Variants in PPP2CA observed in about 807,000 individuals in gnomAD.
PPP2CA encodes the protein serine/threonine-protein phosphatase 2A catalytic subunit alpha isoform.
PPP2CA carries 5 observed loss-of-function variants against 38.8 expected under a neutral mutation model. That is an observed-to-expected ratio of 0.13 (90% CI 0.07 to 0.27). The LOEUF (loss-of-function observed/expected upper bound fraction) is 0.27, where lower values mean the gene tolerates loss of function less well. PPP2CA is among the 10% of genes least tolerant of loss of function. PPP2CA has a pLI of 1.00. For missense variants in PPP2CA, 88 were observed against 389.7 expected, an observed-to-expected ratio of 0.23 and a Z score of 6.52; for synonymous variants, 152 against 134.0, an observed-to-expected ratio of 1.13 and a Z score of -0.93.
intron 1 of PPP2CA, among the ~76,000 whole-genome samples, chr5:134,219,190 T>C (rs994983542): frequency 1.3e-4 from 20 of 152,214 alleles, no homozygotes; most frequent in African/African-American, 4.6e-4. Context: ...GTCAATCTCC[T>C]GACTAATCCA....
chr5:134,201,699 A>T, intron 3 of PPP2CA, 149 bp downstream of exon 3: 1 of 910,158 alleles, frequency 1.1e-6, no homozygotes, highest in Non-Finnish European at 1.6e-6. Flanking sequence ...TGTCAAATTA[A>T]ATTTTTTTTA....
At position 134,226,046 on chromosome 5, in the gene PPP2CA, G is replaced by C. The variant is rs960869150; in HGVS notation, c.-185C>G. 2 of 528,428 alleles carry C rather than the reference G, an allele frequency of 3.8e-6. No individual in the cohort carries two copies. The highest frequency in any genetic ancestry group is 6.6e-6 in the Non-Finnish European group (2 of 301,388). 32.7% of individuals were successfully genotyped at this position (528,428 alleles called of 1,614,324 possible). On this transcript the variant is annotated 5_prime_UTR_variant, in exon 1 of 7. Coordinates refer to ENST00000481195, the MANE Select transcript of PPP2CA (RefSeq NM_002715.4). ...GGCCGCTGCGCCTCCTCCTCCGCTC[G>C]CTGAGGCTCCAGAGCTCGGCTCTCT...
At chr5:134,221,168 G>A (rs1312935091) in intron 1 of PPP2CA, among the ~76,000 whole-genome samples, 1 of 152,192 alleles carries the variant, frequency 6.6e-6, no homozygotes, top group Non-Finnish European at 1.5e-5. Context: ...CTGGAGTGCA[G>A]TGGCACAATC....
chr5:134,222,153 T>G (rs976623530), intron 1 of PPP2CA, among the ~76,000 whole-genome samples: 3 of 152,126 alleles, frequency 2.0e-5, no homozygotes, highest in Non-Finnish European at 4.4e-5. Flanking sequence ...TTAGCCCCTT[T>G]AGTCAAGTCA....
At chr5:134,203,365 C>G (rs1032108762) in intron 2 of PPP2CA, among the ~76,000 whole-genome samples, 3 of 152,150 alleles carry the variant, frequency 2.0e-5, no homozygotes, top group Admixed American at 6.5e-5. Flanking sequence ...CCCCGGTATT[C>G]TTTTGCTAAG....
intron 2 of PPP2CA, 178 bp from the exon 3 acceptor site, chr5:134,202,199 T>C: frequency 1.9e-6 from 1 of 533,222 alleles, no homozygotes; most frequent in Non-Finnish European, 3.2e-6. Context: ...CCATGGGGTG[T>C]TTGCCCACCT....
Position 134,218,383 on chromosome 5 carries a change from C to T in PPP2CA, c.102+7377G>A, listed in dbSNP as rs117559865. ...ATCTGTTTCTGCAATATCACCTTTG[C>T]CTCTGACCAAAAGGAAAGATCCTTA... On this transcript the variant is annotated intron_variant, in intron 1 of 6. Coordinates refer to ENST00000481195, the MANE Select transcript of PPP2CA (RefSeq NM_002715.4). 1.2e-3 allele frequency among the ~76,000 whole-genome samples: 185 copies of T among 152,202 alleles called. 2 individuals carry two copies. Among genetic ancestry groups the T allele is most frequent in the Admixed American group, 9.7e-3 (149 of 15,286 alleles).
intron 1 of PPP2CA, among the ~76,000 whole-genome samples, chr5:134,217,351 T>G (rs1441080906): frequency 6.6e-6 from 1 of 152,168 alleles, no homozygotes; most frequent in Non-Finnish European, 1.5e-5. Context: ...TCAAGTAAAT[T>G]TAACATTTCA....
At chr5:134,221,554 A>T (rs1447096404) in intron 1 of PPP2CA, among the ~76,000 whole-genome samples, 2 of 152,216 alleles carry the variant, frequency 1.3e-5, no homozygotes, top group East Asian at 3.8e-4. Flanking sequence ...CATCTCACCA[A>T]TCTCATTTGA....
At chr5:134,200,727 AT>A (rs1441115129) in intron 4 of PPP2CA, among the ~76,000 whole-genome samples, 5 of 152,246 alleles carry the variant, frequency 3.3e-5, no homozygotes, top group African/African-American at 9.6e-5. Flanking sequence ...ACATGCCCTA[AT>A]TAATCTGCCT....
intron 1 of PPP2CA, among the ~76,000 whole-genome samples, chr5:134,221,302 C>T (rs2267938): frequency 1.0e-3 from 158 of 152,248 alleles, no homozygotes; most frequent in African/African-American, 3.3e-3. Context: ...TAAGTAGAGA[C>T]GGGGCTTCAC....
At chr5:134,204,903 A>C (rs1169166953) in intron 2 of PPP2CA, among the ~76,000 whole-genome samples, 1 of 151,756 alleles carries the variant, frequency 6.6e-6, no homozygotes. Flanking sequence ...ATTTCTCAGA[A>C]AAATTCTTTT....
chr5:134,198,654 C>T (rs1290159146), intron 6 of PPP2CA, among the ~76,000 whole-genome samples: 1 of 152,204 alleles, frequency 6.6e-6, no homozygotes. Context: ...CAACCTCTGC[C>T]TCCCGGATTC....
At position 134,226,021 on chromosome 5, in the gene PPP2CA, G is replaced by T. The variant is rs1026631899; in HGVS notation, c.-160C>A. The T allele has an allele frequency of 1.7e-6, 1 of 574,674 alleles. No homozygotes were observed. The highest frequency in any genetic ancestry group is 3.0e-6 in the Non-Finnish European group (1 of 338,288). The allele number at this position is 574,674 out of a possible 1,614,324, so 35.6% of individuals were successfully genotyped here. On this transcript the variant is annotated 5_prime_UTR_variant, in exon 1 of 7. Coordinates refer to ENST00000481195, the MANE Select transcript of PPP2CA (RefSeq NM_002715.4). ...GCTCTCACCGCAGTACTCGGCCGTC[G>T]GCCGCTGCGCCTCCTCCTCCGCTCG... is the stretch of plus-strand genomic sequence containing the variant.
chr5:134,225,727 G>A, intron 1 of PPP2CA, 33 bp downstream of exon 1: 2 of 1,577,444 alleles, frequency 1.3e-6, no homozygotes, highest in South Asian at 1.1e-5. Context: ...GCTCGGCCCC[G>A]CGGCGGCTGT....
chr5:134,201,497 C>T (rs894292101), intron 3 of PPP2CA, among the ~76,000 whole-genome samples: 7 of 152,198 alleles, frequency 4.6e-5, no homozygotes, highest in African/African-American at 1.7e-4. Flanking sequence ...TATCTTCATA[C>T]TCATAAAATT....
intron 1 of PPP2CA, among the ~76,000 whole-genome samples, chr5:134,211,450 A>T (rs1259787719): frequency 1.3e-5 from 2 of 150,376 alleles, no homozygotes; most frequent in Admixed American, 6.7e-5. Flanking sequence ...CTCATAAATC[A>T]TCCATGCTGT....
chr5:134,224,166 AG>A, intron 1 of PPP2CA: 4 of 360,748 alleles, frequency 1.1e-5, no homozygotes, highest in South Asian at 8.3e-5. Flanking sequence ...AAAATCGGTA[AG>A]ATCATCATGT....
At chr5:134,213,505 G>C (rs568481385) in intron 1 of PPP2CA, among the ~76,000 whole-genome samples, 12 of 150,196 alleles carry the variant, frequency 8.0e-5, no homozygotes, top group East Asian at 2.0e-4. Flanking sequence ...TAAAATATTA[G>C]CTGGGCATAG....
Sources: gnomAD v4.1 joint callset for allele counts (sites outside exome capture counted in the v4.1 genomes callset) on GRCh38, gnomAD v4.1.1 for gene constraint, MANE v1.5 for transcripts, NCBI Gene and HGNC (gene_info 2026-07-23, HGNC 2026-07-21) for gene names.